Variants in NCOA7 observed in about 807,000 individuals in gnomAD.
NCOA7 encodes 140 kDa estrogen receptor-associated protein.
NCOA7 carries 45 observed loss-of-function variants against 104.3 expected under a neutral mutation model. That is an observed-to-expected ratio of 0.43 (90% CI 0.34 to 0.55). NCOA7 has a LOEUF of 0.55. NCOA7 is among the 20% of genes least tolerant of loss of function. NCOA7 has a pLI of 0.02. For missense variants in NCOA7, 1,041 were observed against 1,119.7 expected (o/e 0.93, Z 1.00); for synonymous variants, 398 against 402.3 (o/e 0.99, Z 0.13).
chr6:125,863,161 A>AAAC (rs1782188538), intron 3 of NCOA7, among the ~76,000 whole-genome samples: 1 of 138,748 alleles, frequency 7.2e-6, no homozygotes, highest in Non-Finnish European at 1.5e-5. Flanking sequence ...GGGAGCATGA[A>AAAC]TGTTCACAGT....
intron 1 of NCOA7, among the ~76,000 whole-genome samples, chr6:125,801,114 T>C (rs899010017): frequency 6.6e-6 from 1 of 152,164 alleles, no homozygotes; most frequent in Non-Finnish European, 1.5e-5. Context: ...AGTTTGTTAG[T>C]GTAAAATTGC....
chr6:125,787,539 T>C (rs1774529659), upstream of NCOA7, among the ~76,000 whole-genome samples: 1 of 152,228 alleles, frequency 6.6e-6, no homozygotes, highest in South Asian at 2.1e-4. Context: ...AAGGGATCTC[T>C]GCTTCTCTTA....
chr6:125,927,637 G>A (rs1428154697), intron 13 of NCOA7, 26 bp from the exon 14 acceptor site: 1 of 1,553,640 alleles, frequency 6.4e-7, no homozygotes, highest in Non-Finnish European at 8.9e-7. Context: ...TTGAATGTAG[G>A]TAACATTTCT....
chr6:125,816,854 TG>T (rs1777637822), intron 2 of NCOA7, among the ~76,000 whole-genome samples: 2 of 152,218 alleles, frequency 1.3e-5, no homozygotes, highest in Non-Finnish European at 2.9e-5. Context: ...TAGATTTCTG[TG>T]GTCACCATCA....
intron 5 of NCOA7, among the ~76,000 whole-genome samples, chr6:125,880,718 G>C (rs1414152859): frequency 6.6e-6 from 1 of 151,836 alleles, no homozygotes; most frequent in Non-Finnish European, 1.5e-5. Context: ...TTTTAGTAAA[G>C]ACAAGGTTTC....
At chr6:125,875,411 T>C (rs1783279083) in intron 4 of NCOA7, 1 of 153,926 alleles carries the variant, frequency 6.5e-6, no homozygotes. Flanking sequence ...TTATTTTTGA[T>C]ATAAACAGGG....
chr6:125,787,578 T>C (rs1330839093), upstream of NCOA7, among the ~76,000 whole-genome samples: 1 of 152,200 alleles, frequency 6.6e-6, no homozygotes, highest in Non-Finnish European at 1.5e-5. Flanking sequence ...CATACAAAGG[T>C]TGTTTATTCC....
chr6:125,923,217 C>G (rs2128699165), intron 13 of NCOA7, among the ~76,000 whole-genome samples: 1 of 152,272 alleles, frequency 6.6e-6, no homozygotes, highest in South Asian at 2.1e-4. Context: ...AGTTCCAGTG[C>G]CATACCAGTG....
In NCOA7 at chr6:125,882,631, C is replaced by G. The variant is rs866808251; in HGVS notation, c.699+80C>G. Reference sequence around the variant, plus strand: ...AAGTTACAAATTACTGGAACAGAGGCTACATTAAAAGATCTTACCCAAAGT... The same window carrying G: ...AAGTTACAAATTACTGGAACAGAGGGTACATTAAAAGATCTTACCCAAAGT... On this transcript the variant is annotated intron_variant, in intron 7 of 15. Transcript: ENST00000392477. 8 of 1,516,666 alleles carry G rather than the reference C, an allele frequency of 5.3e-6. No homozygotes were observed. In the Middle Eastern group the frequency reaches 8.9e-4, roughly 169 times the overall value. 94.0% of individuals were successfully genotyped at this position (1,516,666 alleles called of 1,614,324 possible). A position where few individuals can be genotyped will look rare whatever the true frequency, so the allele number is the denominator to read the frequency against.
intron 10 of NCOA7, among the ~76,000 whole-genome samples, chr6:125,901,581 G>A (rs993631606): frequency 2.0e-5 from 3 of 152,198 alleles, no homozygotes; most frequent in Non-Finnish European, 4.4e-5. Context: ...AATGAACCCT[G>A]TACCAGCCCA....
chr6:125,827,875 T>C (rs960752607), intron 2 of NCOA7, among the ~76,000 whole-genome samples: 7 of 152,254 alleles, frequency 4.6e-5, no homozygotes, highest in African/African-American at 1.7e-4. Flanking sequence ...TTCTTGGCCA[T>C]GTTTAGGAAT....
chr6:125,859,719 AG>A (rs1486741533), intron 3 of NCOA7, among the ~76,000 whole-genome samples: 1 of 152,244 alleles, frequency 6.6e-6, no homozygotes, highest in Non-Finnish European at 1.5e-5. Flanking sequence ...TACTTTCTGT[AG>A]GTATCTATTC....
At chr6:125,902,062 T>C (rs1364985489) in intron 10 of NCOA7, among the ~76,000 whole-genome samples, 3 of 152,098 alleles carry the variant, frequency 2.0e-5, no homozygotes, top group Non-Finnish European at 4.4e-5. Context: ...GAGCTTGTGG[T>C]TTTTATGGGT....
intron 13 of NCOA7, 145 bp downstream of exon 13, chr6:125,922,979 T>A: frequency 1.4e-6 from 1 of 700,922 alleles, no homozygotes; most frequent in Admixed American, 3.3e-5. Context: ...CTTTGTTTTT[T>A]CTCTGCTGAA....
chr6:125,827,188 CAAAAAAAAAAA>C (rs66522338), intron 2 of NCOA7, among the ~76,000 whole-genome samples: 9 of 79,022 alleles, frequency 1.1e-4, no homozygotes, highest in South Asian at 7.8e-4. Context: ...AACTCCATCT[CAAAAAAAAAAA>C]AAAAAAAAAA....
rs1316950613 is a variant in NCOA7, at chr6:125,929,034, A to T, written c.*263A>T. The T allele has an allele frequency of 3.0e-6, 1 of 338,302 alleles. No individual in the cohort carries two copies. Among genetic ancestry groups the T allele is most frequent in the African/African-American group, 2.1e-5 (1 of 47,018 alleles). The allele number at this position is 338,302 out of a possible 1,614,324, so 21.0% of individuals were successfully genotyped here. A position where few individuals can be genotyped will look rare whatever the true frequency, so the allele number is the denominator to read the frequency against. The stretch of plus-strand genomic sequence containing the variant: ...TTCCTCCAAATCCATACAGTGAGGA[A>T]TCAGAGTGTTTATAGATATATGAGT... On this transcript the variant is annotated 3_prime_UTR_variant, in exon 16 of 16. Coordinates refer to ENST00000392477, the MANE Select transcript of NCOA7 (RefSeq NM_181782.5).
At chr6:125,789,490 A>G (rs1774638446), upstream of NCOA7, among the ~76,000 whole-genome samples, 2 of 152,222 alleles carry the variant, frequency 1.3e-5, no homozygotes, top group Admixed American at 1.3e-4. Flanking sequence ...GGAGATCTCA[A>G]ACCATGTTCC....
intron 10 of NCOA7, among the ~76,000 whole-genome samples, chr6:125,898,633 T>C (rs946685646): frequency 6.6e-6 from 1 of 152,194 alleles, no homozygotes; most frequent in Non-Finnish European, 1.5e-5. Context: ...AAAAAACTAT[T>C]CTGATCTTGT....
chr6:125,903,511 A>G (rs915431104), intron 10 of NCOA7, among the ~76,000 whole-genome samples: 5 of 152,128 alleles, frequency 3.3e-5, no homozygotes, highest in African/African-American at 1.2e-4. Context: ...GTGGTTTCCT[A>G]TGGCAGCTTC....
Sources: allele counts gnomAD v4.1 joint callset (sites outside exome capture counted in the v4.1 genomes callset), GRCh38; gene constraint gnomAD v4.1.1; transcripts MANE v1.5; gene names NCBI Gene and HGNC (gene_info 2026-07-23, HGNC 2026-07-21).